HHLA2: variants seen among roughly 807,000 people sequenced by gnomAD.
The protein encoded by HHLA2 is HHLA2 member of B7 family, also known as HERV-H LTR-associating protein 2.
In HHLA2, 48 loss-of-function variants were observed where a neutral mutation model predicts 45.9. The observed-to-expected ratio is 1.05, with a 90% CI of 0.83 to 1.33. HHLA2 has a LOEUF of 1.33. HHLA2 is among the 40% of genes most tolerant of loss of function. The pLI is 0.00. For missense variants in HHLA2, 462 were observed against 494.3 expected, an observed-to-expected ratio of 0.93 and a Z score of 0.62; for synonymous variants, 161 against 173.9, an observed-to-expected ratio of 0.93 and a Z score of 0.59.
chr3:108,368,054 T>TAACA (rs1344517844), intron 8 of HHLA2, among the ~76,000 whole-genome samples: 1 of 152,076 alleles, frequency 6.6e-6, no homozygotes, highest in Non-Finnish European at 1.5e-5. Context: ...GGCCAATATT[T>TAACA]AACATTCTTA....
intron 2 of HHLA2, among the ~76,000 whole-genome samples, chr3:108,316,058 A>T (rs1451965896): frequency 4.0e-5 from 6 of 151,880 alleles, no homozygotes; most frequent in African/African-American, 1.5e-4. Context: ...AATTTGAAAC[A>T]GCTTAGAACA....
At chr3:108,360,777 A>G (rs1396207183) in intron 7 of HHLA2, among the ~76,000 whole-genome samples, 3 of 152,252 alleles carry the variant, frequency 2.0e-5, no homozygotes, top group South Asian at 2.1e-4. Context: ...TGTTTGGACT[A>G]CAGTTGACCA....
intron 8 of HHLA2, among the ~76,000 whole-genome samples, chr3:108,372,737 A>G (rs1277732070): frequency 6.6e-6 from 1 of 152,260 alleles, no homozygotes; most frequent in Non-Finnish European, 1.5e-5. Flanking sequence ...GAAGAAATGG[A>G]TAAATTCCTT....
intron 8 of HHLA2, among the ~76,000 whole-genome samples, chr3:108,363,938 G>GT (rs1345660411): frequency 6.6e-6 from 1 of 151,760 alleles, no homozygotes; most frequent in Non-Finnish European, 1.5e-5. Flanking sequence ...AGAGAGTCAC[G>GT]TAAGATTAGT....
intron 2 of HHLA2, among the ~76,000 whole-genome samples, chr3:108,319,038 A>G (rs1474344530): frequency 6.6e-6 from 1 of 152,050 alleles, no homozygotes; most frequent in Admixed American, 6.6e-5. Context: ...CCTTGTTCCT[A>G]TGCTCTTTCT....
intron 2 of HHLA2, among the ~76,000 whole-genome samples, chr3:108,311,598 T>A (rs2081019209): frequency 6.6e-6 from 1 of 152,096 alleles, no homozygotes; most frequent in Non-Finnish European, 1.5e-5. Context: ...TTTCTAGATT[T>A]AAGATTGGGT....
intron 8 of HHLA2, among the ~76,000 whole-genome samples, chr3:108,369,904 A>T (rs2082137410): frequency 6.6e-6 from 1 of 152,200 alleles, no homozygotes; most frequent in South Asian, 2.1e-4. Context: ...CAGACAAACA[A>T]AAGGCAGCAG....
At chr3:108,305,366 C>A (rs897925601) in intron 1 of HHLA2, among the ~76,000 whole-genome samples, 1 of 152,082 alleles carries the variant, frequency 6.6e-6, no homozygotes, top group African/African-American at 2.4e-5. Context: ...TTCTCTTGGT[C>A]GTAGCATTCA....
At chr3:108,302,258 T>G (rs1386322179) in intron 1 of HHLA2, among the ~76,000 whole-genome samples, 1 of 152,186 alleles carries the variant, frequency 6.6e-6, no homozygotes, top group African/African-American at 2.4e-5. Flanking sequence ...GGTTAGTCTT[T>G]CGATAACAGG....
At chr3:108,328,921 A>T (rs1388380919) in intron 3 of HHLA2, among the ~76,000 whole-genome samples, 1 of 152,150 alleles carries the variant, frequency 6.6e-6, no homozygotes, top group Non-Finnish European at 1.5e-5. Context: ...TTTTGCACTG[A>T]GAGCAGCAAG....
chr3:108,355,238 A>G (rs2081864957), exon 6 of HHLA2: 5 of 1,613,802 alleles, frequency 3.1e-6, no homozygotes, highest in Admixed American at 1.7e-5. Context: ...CCTATCTCTG[A>G]AAACAACATG....
At chr3:108,370,042 C>A (rs565696141) in intron 8 of HHLA2, among the ~76,000 whole-genome samples, 1 of 152,224 alleles carries the variant, frequency 6.6e-6, no homozygotes, top group Non-Finnish European at 1.5e-5. Flanking sequence ...CCCCGAGTGG[C>A]CTAACTGGGG....
chr3:108,331,458 G>A (rs1369755511), intron 3 of HHLA2, among the ~76,000 whole-genome samples: 2 of 152,074 alleles, frequency 1.3e-5, no homozygotes, highest in Non-Finnish European at 2.9e-5. Context: ...GTAAGTCACA[G>A]TAATCATGAC....
chr3:108,336,412 A>G (rs1398828123), intron 3 of HHLA2, among the ~76,000 whole-genome samples: 2 of 152,146 alleles, frequency 1.3e-5, no homozygotes, highest in African/African-American at 4.8e-5. Flanking sequence ...AATGATAACT[A>G]ATTAACCTAT....
Position 108,358,437 on chromosome 3 carries a change from T to C in HHLA2, c.1003+276T>C, listed in dbSNP as rs375292182. On this transcript the variant is annotated intron_variant, in intron 7 of 10. Coordinates refer to ENST00000619531, the Ensembl canonical transcript of HHLA2. Reference sequence around the variant, plus strand: ...AACACATTTTGATGACTCCATGCGCTGAGCATCTTCCATTTCTGCTCACTG... The same window carrying C: ...AACACATTTTGATGACTCCATGCGCCGAGCATCTTCCATTTCTGCTCACTG... 1.2e-4 allele frequency among the ~76,000 whole-genome samples: 19 copies of C among 152,276 alleles called. No homozygotes were observed. In the East Asian group the frequency reaches 3.7e-3, roughly 29 times the overall value.
At chr3:108,370,133 C>A (rs910955796) in intron 8 of HHLA2, among the ~76,000 whole-genome samples, 6 of 152,192 alleles carry the variant, frequency 3.9e-5, no homozygotes. Context: ...AACGATCAGG[C>A]AGCAGCATCT....
chr3:108,312,551 T>G (rs1214072531), intron 2 of HHLA2, among the ~76,000 whole-genome samples: 1 of 152,160 alleles, frequency 6.6e-6, no homozygotes, highest in Non-Finnish European at 1.5e-5. Context: ...CCTGGGAAGC[T>G]ATGATGTTTC....
intron 1 of HHLA2, among the ~76,000 whole-genome samples, chr3:108,304,540 T>C (rs1358551344): frequency 2.0e-5 from 3 of 152,200 alleles, no homozygotes; most frequent in Admixed American, 6.5e-5. Context: ...GTCTTCACCT[T>C]AATTACATCT....
At chr3:108,336,161 A>C (rs1438636861) in intron 3 of HHLA2, among the ~76,000 whole-genome samples, 2 of 152,138 alleles carry the variant, frequency 1.3e-5, no homozygotes, top group Non-Finnish European at 2.9e-5. Flanking sequence ...GGACTAATTA[A>C]AATGTAATTC....
Sources: allele counts gnomAD v4.1 joint callset (sites outside exome capture counted in the v4.1 genomes callset), GRCh38; gene constraint gnomAD v4.1.1; transcripts MANE v1.5; gene names NCBI Gene and HGNC (gene_info 2026-07-23, HGNC 2026-07-21).